PHF24: variants seen among roughly 807,000 people sequenced by gnomAD.
PHF24 encodes the protein PHD finger protein 24, also known as Galpha inhibitory interacting protein.
In PHF24, 25 loss-of-function variants were observed where a neutral mutation model predicts 42.6. That is an observed-to-expected ratio of 0.59 (90% CI 0.43 to 0.82). PHF24 has a LOEUF of 0.82. Ranked by LOEUF, PHF24 falls within the 40% of genes least tolerant of loss-of-function variation. The pLI, the probability that PHF24 is intolerant of heterozygous loss-of-function variation, is 0.00. For missense variants in PHF24, 470 were observed against 538.1 expected (o/e 0.87, Z 1.25); for synonymous variants, 185 against 204.8 (o/e 0.90, Z 0.83).
At chr9:34,751,885 AATAACAAGAGAAAATT>A in the PHF24 span, among the ~76,000 whole-genome samples, 1 of 152,186 alleles carries the variant, frequency 6.6e-6, no homozygotes, top group African/African-American at 2.4e-5. Context: ...ACTAGAACTC[AATAACAAGAGAAAATT>A]TGGAAATTAT....
the PHF24 span, chr9:34,727,970 A>G: frequency 6.6e-7 from 1 of 1,522,142 alleles, no homozygotes; most frequent in Non-Finnish European, 8.9e-7. Flanking sequence ...AAGCCAAGAA[A>G]TCATCATAGG....
the PHF24 span, among the ~76,000 whole-genome samples, chr9:34,764,192 TC>T: frequency 4.6e-5 from 7 of 152,246 alleles, no homozygotes; most frequent in Non-Finnish European, 1.0e-4. Flanking sequence ...GGCTTTGGTA[TC>T]AGGATGATGC....
chr9:34,979,682 A>G (rs1827324826), exon 8 of PHF24: 1 of 152,228 alleles, frequency 6.6e-6, no homozygotes, highest in Non-Finnish European at 1.5e-5. Flanking sequence ...TCGGTGCTGA[A>G]TGTTTCGAGG....
At chr9:34,749,244 G>C in the PHF24 span, among the ~76,000 whole-genome samples, 1 of 151,972 alleles carries the variant, frequency 6.6e-6, no homozygotes, top group Non-Finnish European at 1.5e-5. Flanking sequence ...CAAATCTAAG[G>C]GTTATCGGTC....
the PHF24 span, among the ~76,000 whole-genome samples, chr9:34,881,929 A>G: frequency 1.3e-5 from 2 of 152,214 alleles, no homozygotes; most frequent in African/African-American, 4.8e-5. Context: ...TTTTAGACCA[A>G]TATCCCTGAT....
the PHF24 span, among the ~76,000 whole-genome samples, chr9:34,812,332 C>A: frequency 6.6e-6 from 1 of 152,250 alleles, no homozygotes; most frequent in Admixed American, 6.5e-5. Context: ...AACCCTGGTG[C>A]ATTGCTGGTG....
At chr9:34,709,845 A>G in the PHF24 span, 62 of 1,613,980 alleles carry the variant, frequency 3.8e-5, no homozygotes, top group Non-Finnish European at 4.9e-5. Context: ...CCTTGGCGGG[A>G]ATCTTCCTTT....
chr9:34,680,220 C>T, the PHF24 span, among the ~76,000 whole-genome samples: 1 of 151,866 alleles, frequency 6.6e-6, no homozygotes, highest in Non-Finnish European at 1.5e-5. Flanking sequence ...ACTAAAAATA[C>T]AAAAATTAGC....
the PHF24 span, among the ~76,000 whole-genome samples, chr9:34,775,095 T>G: frequency 2.6e-4 from 39 of 152,306 alleles, no homozygotes; most frequent in African/African-American, 9.4e-4. Context: ...TGAAGAGATA[T>G]TCGTACATCC....
upstream of PHF24, chr9:34,958,191 GCC>G (rs1356874385): frequency 6.6e-6 from 1 of 150,442 alleles, no homozygotes; most frequent in African/African-American, 2.5e-5. The surrounding 1 kb of genome is among the most constrained non-coding windows in gnomAD (Gnocchi z 4.5). Flanking sequence ...ACACGCCGCA[GCC>G]CCCCGGGGCG....
At chr9:34,667,183 G>T in the PHF24 span, among the ~76,000 whole-genome samples, 1 of 152,200 alleles carries the variant, frequency 6.6e-6, no homozygotes, top group Non-Finnish European at 1.5e-5. Flanking sequence ...AGCTGTAGTC[G>T]GTTTGAGTAA....
chr9:34,674,765 GTGAT>G, the PHF24 span, among the ~76,000 whole-genome samples: 6 of 152,204 alleles, frequency 3.9e-5, no homozygotes, highest in African/African-American at 1.2e-4. Flanking sequence ...GATTGGCTGT[GTGAT>G]TGATTATGTG....
chr9:34,823,052 C>T, the PHF24 span, among the ~76,000 whole-genome samples: 5 of 151,086 alleles, frequency 3.3e-5, no homozygotes, highest in East Asian at 3.9e-4. Flanking sequence ...AAAAATTAGC[C>T]GGGCGCGGTG....
the PHF24 span, among the ~76,000 whole-genome samples, chr9:34,716,899 G>A: frequency 6.6e-6 from 1 of 152,164 alleles, no homozygotes; most frequent in Non-Finnish European, 1.5e-5. Context: ...GTGAGTCACT[G>A]CACCCGGCCT....
chr9:34,834,156 T>TG, the PHF24 span: 1 of 1,541,656 alleles, frequency 6.5e-7, no homozygotes, highest in Non-Finnish European at 8.8e-7. Flanking sequence ...CTTTCTGGAA[T>TG]GCAGGGAAAA....
At chr9:34,714,916 C>T in the PHF24 span, among the ~76,000 whole-genome samples, 1,123 of 152,252 alleles carry the variant, frequency 7.4e-3, 11 homozygotes, top group Non-Finnish European at 9.7e-3. Context: ...ATGGTGTGCA[C>T]AACCCCCTAG....
the PHF24 span, among the ~76,000 whole-genome samples, chr9:34,849,149 G>T: frequency 6.6e-6 from 1 of 151,918 alleles, no homozygotes; most frequent in Non-Finnish European, 1.5e-5. Context: ...CAATTCCTGG[G>T]TATCCTTGTT....
At chr9:34,805,098 C>G in the PHF24 span, among the ~76,000 whole-genome samples, 1 of 152,062 alleles carries the variant, frequency 6.6e-6, no homozygotes, top group African/African-American at 2.4e-5. Flanking sequence ...TTTTGTTTAT[C>G]CATTTATTTG....
the PHF24 span, among the ~76,000 whole-genome samples, chr9:34,916,013 G>A: frequency 0.43 from 65,292 of 151,830 alleles, 15,023 homozygotes; most frequent in Non-Finnish European, 0.51. Context: ...GCCTTCGTTC[G>A]GCACTCATTG....
Sources: allele counts gnomAD v4.1 joint callset (sites outside exome capture counted in the v4.1 genomes callset), GRCh38; gene constraint gnomAD v4.1.1; non-coding constraint Gnocchi (gnomAD v3.1); transcripts MANE v1.5; gene names NCBI Gene and HGNC (gene_info 2026-07-23, HGNC 2026-07-21).